Variants in PLD1 observed in about 807,000 individuals in gnomAD.
PLD1 encodes the protein choline phosphatase 1.
Under a neutral mutation model 137.1 loss-of-function variants are expected in PLD1, and 112 were observed. That is an observed-to-expected ratio of 0.82 (90% confidence interval 0.70 to 0.96). The LOEUF is 0.96. PLD1 is among the 40% of genes least tolerant of loss of function. The pLI is 0.00. For missense variants in PLD1, 1,321 were observed against 1,342.0 expected (o/e 0.98, Z 0.24); for synonymous variants, 431 against 454.7 (o/e 0.95, Z 0.66).
Position 171,605,403 on chromosome 3 carries a change from A to C in PLD1, c.2896T>G (p.Tyr966Asp). The C allele has an allele frequency of 6.2e-7, 1 of 1,608,748 alleles. No individual in the cohort carries two copies. The highest frequency in any genetic ancestry group is 8.5e-7 in the Non-Finnish European group (1 of 1,175,122). Reference protein sequence around the residue: ...RLQCFRVVLGYLDDPSEDIQD... With the variant: ...RLQCFRVVLGDLDDPSEDIQD... ...ATGTCCTCACTTGGGTCATCAAGAT[A>C]GCCAAGGACAACCCTGAAATACAAG... The change falls in exon 26 of 27, where the codon TAT becomes GAT. Residue 966 changes from tyrosine to aspartate, a missense_variant. Transcript: ENST00000351298.
chr3:171,772,683 CA>C (rs1348640698), intron 1 of PLD1, among the ~76,000 whole-genome samples: 1 of 152,206 alleles, frequency 6.6e-6, no homozygotes, highest in Non-Finnish European at 1.5e-5. Context: ...ATGAGCTGAA[CA>C]AACCTCAGGG....
At chr3:171,613,478 C>T (rs1732848621) in intron 24 of PLD1, among the ~76,000 whole-genome samples, 1 of 152,156 alleles carries the variant, frequency 6.6e-6, no homozygotes. Context: ...CTCAAAGTCA[C>T]ATAACTGTGA....
chr3:171,773,304 T>A (rs537453300), intron 1 of PLD1, among the ~76,000 whole-genome samples: 1 of 152,078 alleles, frequency 6.6e-6, no homozygotes, highest in East Asian at 1.9e-4. Flanking sequence ...CTACTAAAAC[T>A]AAAATGAGGC....
At chr3:171,669,173 C>A (rs950635766) in intron 19 of PLD1, among the ~76,000 whole-genome samples, 3 of 152,160 alleles carry the variant, frequency 2.0e-5, no homozygotes, top group African/African-American at 4.8e-5. Flanking sequence ...CTGGCTGTGT[C>A]TCCCCCTCTG....
chr3:171,718,719 G>A (rs1235767397), intron 8 of PLD1, among the ~76,000 whole-genome samples: 1 of 152,114 alleles, frequency 6.6e-6, no homozygotes, highest in Non-Finnish European at 1.5e-5. Context: ...GCCACTCACT[G>A]CTTGTAAGAA....
At position 171,735,512 on chromosome 3, in the gene PLD1, G is replaced by A. The variant is rs780814123; in HGVS notation, c.414C>T (p.Arg138=). The A allele has an allele frequency of 5.0e-6, 8 of 1,613,424 alleles. No homozygotes were observed. The South Asian group carries it at 8.8e-5, about 18-fold the overall frequency. Reference sequence around the variant, plus strand: ...GTTACCTTCTAGTGGGAATGGGGATGCGGATAAAGGCTTTGTACTTGAGCA... The same window carrying A: ...GTTACCTTCTAGTGGGAATGGGGATACGGATAAAGGCTTTGTACTTGAGCA... The part of the protein sequence containing the change: ...RELLKYKAFI[R]IPIPTRRHTF... The change falls in exon 4 of 27, where the codon CGC becomes CGT. Residue 138 remains arginine (R), a synonymous_variant. Transcript: ENST00000351298.
At chr3:171,807,834 A>C (rs149980380) in intron 1 of PLD1, among the ~76,000 whole-genome samples, 4 of 152,382 alleles carry the variant, frequency 2.6e-5, no homozygotes, top group Non-Finnish European at 5.9e-5. Flanking sequence ...GATGCCCATC[A>C]ACTATGGACC....
intron 19 of PLD1, among the ~76,000 whole-genome samples, chr3:171,662,395 A>G (rs900482310): frequency 8.5e-5 from 13 of 152,200 alleles, no homozygotes; most frequent in Non-Finnish European, 7.4e-5. Flanking sequence ...GAAGGTCCTC[A>G]GCTGGAAATC....
chr3:171,638,793 G>C (rs1241125982), intron 23 of PLD1, among the ~76,000 whole-genome samples: 2 of 152,154 alleles, frequency 1.3e-5, no homozygotes, highest in African/African-American at 4.8e-5. Context: ...GTGTGTCTGT[G>C]AGGGGTTTTC....
intron 1 of PLD1, chr3:171,792,138 C>A: frequency 6.2e-6 from 1 of 160,574 alleles, no homozygotes; most frequent in Non-Finnish European, 1.4e-5. Flanking sequence ...CCCAATGCCA[C>A]CATTCCTTTC....
chr3:171,740,502 G>A lies in PLD1; in HGVS notation c.-31-2420C>T, dbSNP rs559025061. 5.1e-4 allele frequency among the ~76,000 whole-genome samples: 77 copies of A among 152,254 alleles called. 1 individual carries two copies. The highest frequency in any genetic ancestry group is 1.7e-3 in the African/African-American group (71 of 41,538). On this transcript the variant is annotated intron_variant, in intron 1 of 26. Transcript: ENST00000351298. ...TCAGATATTTTTTATTGATTAAACA[G>A]ACTTATTAACTTTGCCAACTTTCTT...
chr3:171,703,227 A>G (rs1267464168), intron 11 of PLD1, among the ~76,000 whole-genome samples: 2 of 152,230 alleles, frequency 1.3e-5, no homozygotes, highest in African/African-American at 2.4e-5. Context: ...AAAAAAATCT[A>G]TCTCTAACAT....
chr3:171,698,978 A>G (rs889146898), intron 12 of PLD1, among the ~76,000 whole-genome samples: 1 of 138,462 alleles, frequency 7.2e-6, no homozygotes, highest in African/African-American at 3.0e-5. Flanking sequence ...CCCCATCTCA[A>G]AAAAAAAAAA....
At chr3:171,623,543 C>T (rs925729922) in intron 23 of PLD1, among the ~76,000 whole-genome samples, 9 of 151,268 alleles carry the variant, frequency 5.9e-5, no homozygotes, top group Admixed American at 4.0e-4. Context: ...AGGATGGTCT[C>T]GACCTCCTGA....
In PLD1 at chr3:171,785,235, C is replaced by T. The variant is rs972914131; in HGVS notation, c.-32+25164G>A. Among the ~76,000 whole-genome samples, 7 of 152,238 alleles carry T rather than the reference C, an allele frequency of 4.6e-5. No individual in the cohort carries two copies. In the East Asian group the frequency reaches 7.7e-4, roughly 17 times the overall value. On this transcript the variant is annotated intron_variant, in intron 1 of 26. Transcript: ENST00000351298. ...TTCTGTTCTCTATTCCGACCGAATA[C>T]GGTATGAGTTACAAAAGTGAGCCAC... is the stretch of plus-strand genomic sequence containing the variant.
At chr3:171,730,341 C>T (rs1051145101) in intron 6 of PLD1, among the ~76,000 whole-genome samples, 4 of 151,872 alleles carry the variant, frequency 2.6e-5, no homozygotes, top group Non-Finnish European at 5.9e-5. Flanking sequence ...GAACAAATCA[C>T]CAATGGTCTC....
chr3:171,788,994 C>T (rs896006260), intron 1 of PLD1: 4 of 152,252 alleles, frequency 2.6e-5, no homozygotes, highest in South Asian at 4.1e-4. Flanking sequence ...ATGAATAAAA[C>T]AGACATTGTC....
chr3:171,603,074 T>G lies in PLD1; in HGVS notation c.*4A>C, dbSNP rs773973075. 14 of 1,605,192 alleles carry G rather than the reference T, an allele frequency of 8.7e-6. No individual in the cohort carries two copies. The South Asian group carries it at 1.5e-4, about 18-fold the overall frequency. ...GAAGTCTTTGAGCTGCCAATGAATA[T>G]CTCTTAAGTCCAAACCTCCATGGGC... On this transcript the variant is annotated 3_prime_UTR_variant, in exon 27 of 27. Transcript: ENST00000351298.
At chr3:171,755,128 C>A (rs1017715618) in intron 1 of PLD1, among the ~76,000 whole-genome samples, 16 of 152,098 alleles carry the variant, frequency 1.1e-4, no homozygotes, top group Non-Finnish European at 5.9e-5. Context: ...TTGGCACTTA[C>A]CCCAAGGCTT....
Sources: gnomAD v4.1 joint callset for allele counts (sites outside exome capture counted in the v4.1 genomes callset) on GRCh38, gnomAD v4.1.1 for gene constraint, MANE v1.5 for transcripts, NCBI Gene and HGNC (gene_info 2026-07-23, HGNC 2026-07-21) for gene names.